MTHFD1: variants seen among roughly 807,000 people sequenced by gnomAD.
MTHFD1 encodes the protein methylenetetrahydrofolate dehydrogenase, cyclohydrolase and formyltetrahydrofolate synthetase 1.
A neutral mutation model predicts 110.3 loss-of-function variants in MTHFD1; 44 were observed. The observed-to-expected ratio is 0.40, with a 90% CI of 0.31 to 0.51. MTHFD1 has a LOEUF of 0.51. MTHFD1 is among the 20% of genes least tolerant of loss of function. MTHFD1 has a pLI of 0.60. For missense variants in MTHFD1, 909 were observed against 1,173.1 expected (o/e 0.77, Z 3.29); for synonymous variants, 402 against 428.8 (o/e 0.94, Z 0.77).
At chr14:64,442,226 T>C in intron 20 of MTHFD1, 37 bp from the exon 21 acceptor site, 1 of 1,614,182 alleles carries the variant, frequency 6.2e-7, no homozygotes, top group East Asian at 2.2e-5. Context: ...TCAGGGGAAT[T>C]GGGATGGCAT....
rs748674478 is a variant in MTHFD1, at chr14:64,425,780, G to A, written c.906G>A (p.Lys302=). 26 of 1,613,636 alleles carry A rather than the reference G, an allele frequency of 1.6e-5. No individual in the cohort carries two copies. The highest frequency in any genetic ancestry group is 2.1e-5 in the Non-Finnish European group (25 of 1,180,038). ...KRFLEKFKPG[K]WMIQYNNLNL... Reference sequence around the variant, plus strand: ...TCCTGGAGAAATTTAAGCCAGGAAAGTGGATGATTCAGTATAACAACCTTA... The same window carrying A: ...TCCTGGAGAAATTTAAGCCAGGAAAATGGATGATTCAGTATAACAACCTTA... The change falls in exon 10 of 28, where the codon AAG becomes AAA. Residue 302 remains lysine, a synonymous_variant. Transcript: ENST00000652337.
chr14:64,442,992 C>T (rs2078260373), intron 21 of MTHFD1, among the ~76,000 whole-genome samples: 1 of 152,118 alleles, frequency 6.6e-6, no homozygotes, highest in South Asian at 2.1e-4. Flanking sequence ...TACTTTTTAT[C>T]CTAGTATTTT....
At chr14:64,410,753 C>G (rs1346025569) in intron 2 of MTHFD1, among the ~76,000 whole-genome samples, 3 of 152,174 alleles carry the variant, frequency 2.0e-5, no homozygotes, top group Non-Finnish European at 4.4e-5. Context: ...GCCCTCCATA[C>G]TCTGTTTTTC....
At position 64,388,476 on chromosome 14, in the gene MTHFD1, C is replaced by A; in HGVS notation, c.41+8C>A. On this transcript the variant is annotated splice_region_variant and intron_variant, in intron 1 of 27. Coordinates refer to ENST00000652337, the MANE Select transcript of MTHFD1 (RefSeq NM_005956.4). Reference sequence around the variant, plus strand: ...CGGGAAGGAGATCTCCGCGTAAGCACCTGACATTGTTGTTGAGTGTGGGGC... The same window carrying A: ...CGGGAAGGAGATCTCCGCGTAAGCAACTGACATTGTTGTTGAGTGTGGGGC... 6.2e-7 allele frequency: 1 copy of A among 1,613,050 alleles called. No homozygotes were observed. The highest frequency in any genetic ancestry group is 8.5e-7 in the Non-Finnish European group (1 of 1,179,594).
intron 11 of MTHFD1, 43 bp from the exon 12 acceptor site, chr14:64,427,294 C>G: frequency 6.2e-7 from 1 of 1,610,000 alleles, no homozygotes; most frequent in Non-Finnish European, 8.5e-7. Context: ...TTCAGATACA[C>G]TTAATTCTTT....
intron 22 of MTHFD1, 93 bp downstream of exon 22, chr14:64,444,827 A>AACCCATTCAT: frequency 7.0e-7 from 1 of 1,422,622 alleles, no homozygotes; most frequent in Non-Finnish European, 9.9e-7. Flanking sequence ...TGAATGGGTT[A>AACCCATTCAT]TTGCTGTGAC....
chr14:64,394,326 A>T (rs2077830251), intron 1 of MTHFD1, among the ~76,000 whole-genome samples: 1 of 152,106 alleles, frequency 6.6e-6, no homozygotes, highest in South Asian at 2.1e-4. Context: ...TGGGCTTGTC[A>T]TTGGCTTGCT....
At chr14:64,451,062 G>C (rs1004645740) in intron 24 of MTHFD1, among the ~76,000 whole-genome samples, 26 of 152,250 alleles carry the variant, frequency 1.7e-4, no homozygotes, top group African/African-American at 6.0e-4. Flanking sequence ...CCAGCTACTT[G>C]GAAGGCTGAG....
chr14:64,443,504 GGGCCATAA>G (rs1334203527), intron 21 of MTHFD1, among the ~76,000 whole-genome samples: 8 of 152,160 alleles, frequency 5.3e-5, no homozygotes, highest in African/African-American at 1.9e-4. Flanking sequence ...GAGAGTAAAA[GGGCCATAA>G]GATGTTACAG....
chr14:64,415,778 C>T, intron 6 of MTHFD1, 39 bp downstream of exon 6: 1 of 1,599,000 alleles, frequency 6.3e-7, no homozygotes, highest in Non-Finnish European at 8.6e-7. Context: ...AGCACCATTT[C>T]CTGAATCCTG....
chr14:64,441,323 G>C (rs897773160), intron 18 of MTHFD1, 62 bp from the exon 19 acceptor site: 4 of 1,464,566 alleles, frequency 2.7e-6, no homozygotes, highest in Middle Eastern at 1.7e-4. Flanking sequence ...GTCAAATATT[G>C]GTTTCAGAAG....
At chr14:64,428,331 G>A (rs142446470) in intron 12 of MTHFD1, among the ~76,000 whole-genome samples, 1 of 151,748 alleles carries the variant, frequency 6.6e-6, no homozygotes, top group Non-Finnish European at 1.5e-5. Context: ...GGCCAGGCTG[G>A]TCTTGAACTT....
At chr14:64,452,799 A>G (rs1229340743) in intron 24 of MTHFD1, among the ~76,000 whole-genome samples, 1 of 152,242 alleles carries the variant, frequency 6.6e-6, no homozygotes, top group Non-Finnish European at 1.5e-5. Context: ...GTCTTATTTC[A>G]TAAACAGTGT....
intron 24 of MTHFD1, among the ~76,000 whole-genome samples, chr14:64,451,160 G>A (rs535514281): frequency 1.3e-5 from 2 of 151,652 alleles, no homozygotes; most frequent in South Asian, 2.1e-4. Flanking sequence ...GCGAAACTTC[G>A]TCTCAAAAAA....
At chr14:64,448,467 C>T (rs1314129567) in intron 23 of MTHFD1, 150 bp downstream of exon 23, 4 of 702,044 alleles carry the variant, frequency 5.7e-6, no homozygotes, top group African/African-American at 3.5e-5. Context: ...GCATTGCATA[C>T]GTCACTGCGG....
rs142898057 is a variant in MTHFD1, at chr14:64,454,959, A to T, written c.2718+84A>T. 3.9e-4 allele frequency: 541 copies of T among 1,396,204 alleles called. 2 individuals carry two copies. The African/African-American group carries it at 7.1e-3, about 18-fold the overall frequency. 86.5% of individuals were successfully genotyped at this position (1,396,204 alleles called of 1,614,324 possible). On this transcript the variant is annotated intron_variant, in intron 26 of 27. Coordinates refer to ENST00000652337, the MANE Select transcript of MTHFD1 (RefSeq NM_005956.4). ...TGCCGAAACCATCAAGCAAATGCCA[A>T]GTGAGCAGAGTTCACTGCCCAGAAG...
At chr14:64,444,306 G>A (rs1953239286) in intron 21 of MTHFD1, among the ~76,000 whole-genome samples, 1 of 151,702 alleles carries the variant, frequency 6.6e-6, no homozygotes, top group Admixed American at 6.6e-5. Flanking sequence ...GGGCTCTATC[G>A]ACAGACATCC....
At chr14:64,416,168 C>G (rs2078024599) in intron 6 of MTHFD1, among the ~76,000 whole-genome samples, 1 of 152,080 alleles carries the variant, frequency 6.6e-6, no homozygotes, top group Non-Finnish European at 1.5e-5. Flanking sequence ...TTGATTGAAC[C>G]TGGGAGGCGG....
At chr14:64,432,611 C>T (rs2078168734) in intron 15 of MTHFD1, among the ~76,000 whole-genome samples, 1 of 152,208 alleles carries the variant, frequency 6.6e-6, no homozygotes, top group Admixed American at 6.5e-5. Flanking sequence ...GTCTCAAAAG[C>T]TTGCATATTG....
Sources: gnomAD v4.1 joint callset for allele counts (sites outside exome capture counted in the v4.1 genomes callset) on GRCh38, gnomAD v4.1.1 for gene constraint, MANE v1.5 for transcripts, NCBI Gene and HGNC (gene_info 2026-07-23, HGNC 2026-07-21) for gene names.